Variants in BBS5 observed in about 807,000 individuals in gnomAD.
BBS5 encodes Bardet-Biedl syndrome 5.
BBS5 carries 39 observed loss-of-function variants against 50.2 expected under a neutral mutation model. The ratio of observed to expected loss-of-function variants is 0.78; its 90% CI spans 0.60 to 1.01. The LOEUF is 1.01. BBS5 is among the 50% of genes least tolerant of loss of function. The pLI, the probability that BBS5 is intolerant of heterozygous loss-of-function variation, is 0.00. For missense variants in BBS5, 356 were observed against 401.5 expected, an observed-to-expected ratio of 0.89 and a Z score of 0.97; for synonymous variants, 134 against 133.1, an observed-to-expected ratio of 1.01 and a Z score of -0.05.
At chr2:169,488,179 G>T in intron 5 of BBS5, 65 bp downstream of exon 5, 1 of 1,529,112 alleles carries the variant, frequency 6.5e-7, no homozygotes, top group East Asian at 2.3e-5. Flanking sequence ...GACTGCAACA[G>T]TCCCCAACCT....
intron 3 of BBS5, 35 bp from the exon 4 acceptor site, chr2:169,487,771 T>C (rs775014638): frequency 6.1e-5 from 94 of 1,529,154 alleles, no homozygotes; most frequent in Non-Finnish European, 6.6e-5. Flanking sequence ...GTGTACCATA[T>C]CATGCTCTTT....
chr2:169,482,635 A>G, intron 2 of BBS5: 1 of 367,404 alleles, frequency 2.7e-6, no homozygotes, highest in Non-Finnish European at 5.1e-6. Flanking sequence ...CTTCCCAAAA[A>G]AGGATATGGG....
chr2:169,498,821 A>AG (rs1553528693), intron 8 of BBS5, among the ~76,000 whole-genome samples: 10 of 151,406 alleles, frequency 6.6e-5, no homozygotes, highest in South Asian at 2.1e-4. Context: ...AAAAAAAAAA[A>AG]AAAGAAAGGA....
intron 7 of BBS5, among the ~76,000 whole-genome samples, chr2:169,496,055 C>A (rs1683686945): frequency 6.6e-6 from 1 of 152,172 alleles, no homozygotes. Context: ...TCTTCTTTTT[C>A]TGAGTCTCTT....
chr2:169,480,825 G>T (rs1683378043), intron 1 of BBS5, among the ~76,000 whole-genome samples: 1 of 151,852 alleles, frequency 6.6e-6, no homozygotes, highest in African/African-American at 2.4e-5. Flanking sequence ...GGGATTACAG[G>T]CACGCACCAA....
At chr2:169,491,943 C>T (rs1334583449) in intron 5 of BBS5, among the ~76,000 whole-genome samples, 1 of 152,042 alleles carries the variant, frequency 6.6e-6, no homozygotes, top group Non-Finnish European at 1.5e-5. Flanking sequence ...ACTACAAGTG[C>T]ACACCACCAC....
At chr2:169,498,342 A>G (rs1289200502) in intron 8 of BBS5, among the ~76,000 whole-genome samples, 2 of 152,242 alleles carry the variant, frequency 1.3e-5, no homozygotes, top group Non-Finnish European at 2.9e-5. Context: ...TTATAAAATT[A>G]CTTATCATCT....
chr2:169,491,558 A>G (rs1221069233), intron 5 of BBS5, among the ~76,000 whole-genome samples: 1 of 152,220 alleles, frequency 6.6e-6, no homozygotes, highest in African/African-American at 2.4e-5. Flanking sequence ...AAAATTAATC[A>G]AAAGTTAATC....
Position 169,497,671 on chromosome 2 carries a change from C to A in BBS5, c.663C>A (p.Val221=). 1 of 1,596,842 alleles carries A rather than the reference C, an allele frequency of 6.3e-7. No homozygotes were observed. Among genetic ancestry groups the A allele is most frequent in the South Asian group, 1.1e-5 (1 of 90,474 alleles). ...IRDSKFGLAL[V]IESSQQSGGY... ...ATTCAAAATTTGGTTTAGCTCTTGT[C>A]ATAGAAAGCTCTCAGCAGGTAAGAT... Residue 221 remains valine, a synonymous_variant, in exon 8 of 12, where the codon GTC becomes GTA. Coordinates refer to ENST00000295240, the MANE Select transcript of BBS5 (RefSeq NM_152384.3).
intron 8 of BBS5, among the ~76,000 whole-genome samples, chr2:169,498,223 C>A (rs1683729621): frequency 6.6e-6 from 1 of 152,196 alleles, no homozygotes; most frequent in African/African-American, 2.4e-5. Flanking sequence ...ACCTGTTATG[C>A]TCCATTATGC....
intron 11 of BBS5, 31 bp downstream of exon 11, chr2:169,504,357 G>GA: frequency 3.7e-6 from 6 of 1,609,500 alleles, no homozygotes; most frequent in East Asian, 2.2e-5. Context: ...TACAGTATAT[G>GA]AAAAAAGTTT....
chr2:169,506,136 TCAGCCCCCCGCCCGGC>T lies in BBS5; in HGVS notation c.*1560_*1575del, dbSNP rs1469871974. The T allele has an allele frequency of 8.0e-6, 1 of 124,618 alleles. No homozygotes were observed. Among genetic ancestry groups the T allele is most frequent in the Non-Finnish European group, 1.7e-5 (1 of 59,364 alleles). The allele number at this position is 124,618 out of a possible 1,614,324, so 7.7% of individuals were successfully genotyped here. ...CCCGTCCAGGAGGGAGGTGGGGGGGTCAGCCCCCCGCCCGGCCAGCCGCCCGGTCCGGGAGGGAGGT... is the reference window on the plus strand; with the variant it reads ...CCCGTCCAGGAGGGAGGTGGGGGGGTCAGCCGCCCGGTCCGGGAGGGAGGT... On this transcript the variant is annotated 3_prime_UTR_variant, in exon 12 of 12. Transcript: ENST00000295240.
Position 169,504,948 on chromosome 2 carries a change from T to C in BBS5, c.*366T>C. The C allele has an allele frequency of 6.2e-7, 1 of 1,613,772 alleles. No individual in the cohort carries two copies. Among genetic ancestry groups the C allele is most frequent in the East Asian group, 2.2e-5 (1 of 44,856 alleles). ...CAGTGGGTGGAGGTCCAAAGAGGAC[T>C]GGTGATCTACGTGTGCTTTTTCAAG... On this transcript the variant is annotated 3_prime_UTR_variant, in exon 12 of 12. Transcript: ENST00000295240.
At chr2:169,503,231 T>G (rs1289426526) in intron 10 of BBS5, 53 bp downstream of exon 10, 1 of 1,413,054 alleles carries the variant, frequency 7.1e-7, no homozygotes, top group Admixed American at 1.8e-5. Context: ...ATCTCAGTCT[T>G]GTTTAATAAA....
chr2:169,496,850 C>T (rs1431254087), intron 7 of BBS5, among the ~76,000 whole-genome samples: 8 of 151,132 alleles, frequency 5.3e-5, no homozygotes, highest in Non-Finnish European at 1.0e-4. Context: ...GCCTGGGCAA[C>T]AGAGCGAGAC....
chr2:169,505,164 C>A lies in BBS5; in HGVS notation c.*582C>A. On this transcript the variant is annotated 3_prime_UTR_variant, in exon 12 of 12. Coordinates refer to ENST00000295240, the MANE Select transcript of BBS5 (RefSeq NM_152384.3). The stretch of plus-strand genomic sequence containing the variant: ...TGGAGACGGGGTTTCGCTGTGTTGG[C>A]CGGGCTGGTCTCCAGCTCCTAACCG... 1.6e-6 allele frequency: 1 copy of A among 614,688 alleles called. No homozygotes were observed. 38.1% of individuals were successfully genotyped at this position (614,688 alleles called of 1,614,324 possible). A position where few individuals can be genotyped will look rare whatever the true frequency, so the allele number is the denominator to read the frequency against.
In BBS5 at chr2:169,482,233, C is replaced by T. The variant is rs1253328671; in HGVS notation, c.60-18C>T. On this transcript the variant is annotated intron_variant, in intron 1 of 11. Coordinates refer to ENST00000295240, the MANE Select transcript of BBS5 (RefSeq NM_152384.3). ...TATAGTTGTAGCTATAAAATTCAAACCTTTATATTCACTTTAGGCAAATGA... is the reference window on the plus strand; with the variant it reads ...TATAGTTGTAGCTATAAAATTCAAATCTTTATATTCACTTTAGGCAAATGA... 6.5e-7 allele frequency: 1 copy of T among 1,546,278 alleles called. No individual in the cohort carries two copies. The highest frequency in any genetic ancestry group is 1.7e-5 in the Admixed American group (1 of 59,912).
At chr2:169,493,650 G>C in intron 6 of BBS5, 91 bp from the exon 7 acceptor site, 1 of 886,218 alleles carries the variant, frequency 1.1e-6, no homozygotes, top group Admixed American at 1.8e-5. Flanking sequence ...GGTATTATTT[G>C]CTGCTGTAAT....
At chr2:169,503,781 C>G (rs979014134) in intron 10 of BBS5, among the ~76,000 whole-genome samples, 3 of 152,182 alleles carry the variant, frequency 2.0e-5, no homozygotes, top group African/African-American at 7.2e-5. Context: ...CATTCTATGG[C>G]TATGAATCTG....
Sources: allele counts gnomAD v4.1 joint callset (sites outside exome capture counted in the v4.1 genomes callset), GRCh38; gene constraint gnomAD v4.1.1; transcripts MANE v1.5; gene names NCBI Gene and HGNC (gene_info 2026-07-23, HGNC 2026-07-21).